ADGRL1: variants seen among roughly 807,000 people sequenced by gnomAD.
ADGRL1 encodes the protein adhesion G protein-coupled receptor L1.
In ADGRL1, 31 loss-of-function variants were observed where a neutral mutation model predicts 148.9. The ratio of observed to expected loss-of-function variants is 0.21; its 90% CI spans 0.16 to 0.28. ADGRL1 has a LOEUF of 0.28. ADGRL1 is among the 10% of genes least tolerant of loss of function. ADGRL1 has a pLI of 1.00. For missense variants in ADGRL1, 1,521 were observed against 2,058.8 expected, an observed-to-expected ratio of 0.74 and a Z score of 5.05; for synonymous variants, 937 against 900.3, an observed-to-expected ratio of 1.04 and a Z score of -0.73.
intron 1 of ADGRL1, among the ~76,000 whole-genome samples, chr19:14,203,629 C>CCAGGAG (rs1262431544): frequency 7.7e-6 from 1 of 130,658 alleles, no homozygotes; most frequent in Non-Finnish European, 1.7e-5. Flanking sequence ...CAGGGTCCTC[C>CCAGGAG]AAGGCCCCCC....
chr19:14,159,913 G>A lies in ADGRL1; in HGVS notation c.1801-140C>T, dbSNP rs565686948. On this transcript the variant is annotated intron_variant, in intron 8 of 22. Transcript: ENST00000361434. The surrounding 1 kb of genome is among the most constrained non-coding windows in gnomAD (Gnocchi z 6.0). ...GGCTATCAGCAAGACATTCCTCAGG[G>A]ATCCCCAACCCCCAGGACCATCCGG... 1.0e-6 allele frequency: 1 copy of A among 997,836 alleles called. No individual in the cohort carries two copies. The highest frequency in any genetic ancestry group is 1.4e-5 in the South Asian group (1 of 73,038). 61.8% of individuals were successfully genotyped at this position (997,836 alleles called of 1,614,324 possible). A position where few individuals can be genotyped will look rare whatever the true frequency, so the allele number is the denominator to read the frequency against.
chr19:14,150,825 G>T lies in ADGRL1; in HGVS notation c.*48C>A. The T allele has an allele frequency of 1.3e-6, 2 of 1,586,214 alleles. No homozygotes were observed. Among genetic ancestry groups the T allele is most frequent in the Non-Finnish European group, 1.7e-6 (2 of 1,168,844 alleles). On this transcript the variant is annotated 3_prime_UTR_variant, in exon 23 of 23. Transcript: ENST00000361434. ...CCTCTCCCACCAGAGCCCTGCCCAG[G>T]GTTCCCTCCCTGGCCTGGGCCACCA...
chr19:14,190,149 T>C (rs1246987638), intron 1 of ADGRL1, among the ~76,000 whole-genome samples: 1 of 152,092 alleles, frequency 6.6e-6, no homozygotes, highest in East Asian at 1.9e-4. Flanking sequence ...GGTCTCAAAC[T>C]CTTGAGCTCA....
At chr19:14,166,052 C>A (rs1969927939) in intron 4 of ADGRL1, among the ~76,000 whole-genome samples, 1 of 152,146 alleles carries the variant, frequency 6.6e-6, no homozygotes, top group African/African-American at 2.4e-5. Flanking sequence ...CTAGGGAGTT[C>A]TCTGCTAGAA....
Position 14,151,393 on chromosome 19 carries a change from C to A in ADGRL1, c.3890G>T (p.Gly1297Val). Residue 1297 changes from glycine (G) to valine (V), a missense_variant, in exon 23 of 23, where the codon GGC (glycine) becomes GTC (valine). Gly to Val is a moderately radical substitution (Grantham distance 109). Coordinates refer to ENST00000361434, the MANE Select transcript of ADGRL1 (RefSeq NM_014921.5). ...CACAGGGGGCTCAGGCGGTGGAGGG[C>A]CCTTGGCCGCGCTGCTGCTCCCCCG... ...NLRGSSSAAKGPPPPEPPVPP... is the reference protein window; with the variant it reads ...NLRGSSSAAKVPPPPEPPVPP... 6.2e-7 allele frequency: 1 copy of A among 1,606,766 alleles called. No homozygotes were observed. Among genetic ancestry groups the A allele is most frequent in the Non-Finnish European group, 8.5e-7 (1 of 1,177,382 alleles).
chr19:14,189,046 C>T (rs1189144714), intron 1 of ADGRL1, among the ~76,000 whole-genome samples: 2 of 152,086 alleles, frequency 1.3e-5, no homozygotes, highest in African/African-American at 2.4e-5. Context: ...GCCATCGTGC[C>T]CAGCCTCCAA....
intron 1 of ADGRL1, among the ~76,000 whole-genome samples, chr19:14,184,007 GC>G (rs890506176): frequency 5.3e-5 from 8 of 152,128 alleles, no homozygotes; most frequent in Non-Finnish European, 1.2e-4. Context: ...TCTTCCCCAT[GC>G]CCCTGTCCTG....
In ADGRL1 at chr19:14,159,704, G is replaced by T; in HGVS notation, c.1839+31C>A. 1 of 1,610,390 alleles carries T rather than the reference G, an allele frequency of 6.2e-7. No individual in the cohort carries two copies. Among genetic ancestry groups the T allele is most frequent in the South Asian group, 1.1e-5 (1 of 91,022 alleles). ...AATCCCCCCATCAGCTGGAGCCCAC[G>T]GTCCTTACACTGGGACCCCCTGGGT... is the stretch of plus-strand genomic sequence containing the variant. On this transcript the variant is annotated intron_variant, in intron 9 of 22. Coordinates refer to ENST00000361434, the MANE Select transcript of ADGRL1 (RefSeq NM_014921.5). This position sits in a 1 kb window ranked among gnomAD's most constrained non-coding sequence, Gnocchi z 6.0.
In ADGRL1 at chr19:14,152,974, A is replaced by G; in HGVS notation, c.3295-62T>C. On this transcript the variant is annotated intron_variant, in intron 18 of 22. Coordinates refer to ENST00000361434, the MANE Select transcript of ADGRL1 (RefSeq NM_014921.5). The surrounding 1 kb of genome is among the most constrained non-coding windows in gnomAD (Gnocchi z 6.1). ...GGCCTCCTCTGTGATCCAGTCTCCC[A>G]CAGGGCTGGTCACAAGACAGGCAGC... 1 of 1,588,594 alleles carries G rather than the reference A, an allele frequency of 6.3e-7. No homozygotes were observed. Among genetic ancestry groups the G allele is most frequent in the Non-Finnish European group, 8.6e-7 (1 of 1,166,190 alleles).
chr19:14,162,648 C>T lies in ADGRL1; in HGVS notation c.1153G>A (p.Val385Met), dbSNP rs761708966. 31 of 1,613,176 alleles carry T rather than the reference C, an allele frequency of 1.9e-5. No individual in the cohort carries two copies. The highest frequency in any genetic ancestry group is 2.6e-5 in the Non-Finnish European group (31 of 1,179,424). ...QLYVWNNYFV[V>M]RYSLEFGPPD... ...GGCCCGAACTCCAGGCTGTAGCGCA[C>T]CACGAAATAGTTGTTCCAGACGTAC... is the stretch of plus-strand genomic sequence containing the variant. The change falls in exon 5 of 23, where the codon GTG becomes ATG. Residue 385 changes from valine to methionine, a missense_variant. This residue lies in a region of ADGRL1 where 270 missense variants were observed against 320.4 expected (regional missense o/e 0.84). Coordinates refer to ENST00000361434, the MANE Select transcript of ADGRL1 (RefSeq NM_014921.5). This position sits in a 1 kb window ranked among gnomAD's most constrained non-coding sequence, Gnocchi z 5.4.
intron 2 of ADGRL1, among the ~76,000 whole-genome samples, chr19:14,181,606 G>C (rs1454266715): frequency 6.6e-6 from 1 of 152,106 alleles, no homozygotes; most frequent in African/African-American, 2.4e-5. Context: ...TGTAATCCCA[G>C]CTACTCGGGA....
At chr19:14,180,496 T>A (rs1018699805) in intron 2 of ADGRL1, among the ~76,000 whole-genome samples, 1 of 151,976 alleles carries the variant, frequency 6.6e-6, no homozygotes. Flanking sequence ...CCTCAGGTGA[T>A]CCGCCCGCCT....
chr19:14,155,974 C>A lies in ADGRL1; in HGVS notation c.3125+136G>T, dbSNP rs1968690939. ...GTACATAGTGAACACAATAGAACAC[C>A]CCTGTTGGTACTTAAAATTGCAATG... is the stretch of plus-strand genomic sequence containing the variant. On this transcript the variant is annotated intron_variant, in intron 17 of 22. Coordinates refer to ENST00000361434, the MANE Select transcript of ADGRL1 (RefSeq NM_014921.5). This position sits in a 1 kb window ranked among gnomAD's most constrained non-coding sequence, Gnocchi z 5.0. 1.5e-6 allele frequency: 1 copy of A among 676,712 alleles called. No homozygotes were observed. The highest frequency in any genetic ancestry group is 2.1e-5 in the Admixed American group (1 of 46,728). 41.9% of individuals were successfully genotyped at this position (676,712 alleles called of 1,614,324 possible).
chr19:14,158,678 A>G (rs1397837998), intron 11 of ADGRL1, 126 bp from the exon 12 acceptor site: 1 of 733,324 alleles, frequency 1.4e-6, no homozygotes, highest in Non-Finnish European at 2.3e-6. Context: ...GGACCTCTGA[A>G]GCCAGTCCAT....
chr19:14,175,127 G>C (rs1970731649), intron 3 of ADGRL1, among the ~76,000 whole-genome samples: 1 of 152,154 alleles, frequency 6.6e-6, no homozygotes, highest in Non-Finnish European at 1.5e-5. Flanking sequence ...ACAGGCGTGA[G>C]CCACCGCGTC....
rs1277577344 is a variant in ADGRL1, at chr19:14,167,390, C to T, written c.394+3292G>A. 6.2e-5 allele frequency among the ~76,000 whole-genome samples: 7 copies of T among 112,520 alleles called. No homozygotes were observed. In the East Asian group the frequency reaches 1.3e-3, roughly 21 times the overall value. 73.8% of individuals were successfully genotyped at this position (112,520 alleles called of 152,430 possible). On this transcript the variant is annotated intron_variant, in intron 4 of 22. Coordinates refer to ENST00000361434, the MANE Select transcript of ADGRL1 (RefSeq NM_014921.5). ...GGGAGGGGGCACCCTTGGTGCAAGG[C>T]GGGGGCAGGGAGTAGGGAGCCCCAG...
chr19:14,193,408 G>A (rs938719416), intron 1 of ADGRL1, among the ~76,000 whole-genome samples: 8 of 151,746 alleles, frequency 5.3e-5, no homozygotes, highest in Non-Finnish European at 1.0e-4. Flanking sequence ...GCAACATAGT[G>A]AGACCCCATC....
At position 14,161,178 on chromosome 19, in the gene ADGRL1, T is replaced by A; in HGVS notation, c.1510+134A>T. On this transcript the variant is annotated intron_variant, in intron 6 of 22. Coordinates refer to ENST00000361434, the MANE Select transcript of ADGRL1 (RefSeq NM_014921.5). This position sits in a 1 kb window ranked among gnomAD's most constrained non-coding sequence, Gnocchi z 4.4. ...GGCTCCTGTGCCCTGAGAGCTCTGC[T>A]GGTCACTGGGGATGACCCCTGCCCT... 1.1e-6 allele frequency: 1 copy of A among 889,792 alleles called. No homozygotes were observed. 55.1% of individuals were successfully genotyped at this position (889,792 alleles called of 1,614,324 possible). A position where few individuals can be genotyped will look rare whatever the true frequency, so the allele number is the denominator to read the frequency against.
intron 3 of ADGRL1, among the ~76,000 whole-genome samples, chr19:14,175,645 C>T (rs1289011348): frequency 6.6e-6 from 1 of 152,160 alleles, no homozygotes; most frequent in Non-Finnish European, 1.5e-5. Flanking sequence ...TTTAGTCACA[C>T]ACATCTGCAC....
Sources: gnomAD v4.1 joint callset for allele counts (sites outside exome capture counted in the v4.1 genomes callset) on GRCh38, gnomAD v4.1.1 for gene constraint, gnomAD v4.1.1 regional missense constraint, Gnocchi (gnomAD v3.1) non-coding constraint, MANE v1.5 for transcripts, NCBI Gene and HGNC (gene_info 2026-07-23, HGNC 2026-07-21) for gene names.